GRIP1: variants seen among roughly 807,000 people sequenced by gnomAD.
The protein encoded by GRIP1 is glutamate receptor-interacting protein 1.
GRIP1 carries 45 observed loss-of-function variants against 129.9 expected under a neutral mutation model. That is an observed-to-expected ratio of 0.35 (90% confidence interval 0.27 to 0.44). The LOEUF is 0.44. Ranked by LOEUF, GRIP1 falls within the 20% of genes least tolerant of loss-of-function variation. GRIP1 has a pLI of 1.00. For synonymous variants in GRIP1, 530 were observed against 520.8 expected (o/e 1.02, Z -0.24); for missense variants, 1,196 against 1,396.8 (o/e 0.86, Z 2.29).
chr12:66,751,953 C>T (rs918168769), intron 1 of GRIP1, among the ~76,000 whole-genome samples: 2 of 152,130 alleles, frequency 1.3e-5, no homozygotes, highest in South Asian at 2.1e-4. Flanking sequence ...AAGCACAAAG[C>T]CATAATGAAT....
chr12:66,801,981 ACCCAT>A (rs2038871894), intron 1 of GRIP1, among the ~76,000 whole-genome samples: 1 of 152,134 alleles, frequency 6.6e-6, no homozygotes, highest in African/African-American at 2.4e-5. Flanking sequence ...CAACCATATT[ACCCAT>A]TTGAGAGGAC....
At chr12:66,374,276 C>T (rs1013972449) in intron 22 of GRIP1, among the ~76,000 whole-genome samples, 1 of 152,128 alleles carries the variant, frequency 6.6e-6, no homozygotes, top group African/African-American at 2.4e-5. Flanking sequence ...CAACCTCCAC[C>T]TCCCGGGTTC....
chr12:66,906,226 C>G (rs577672536), intron 1 of GRIP1, among the ~76,000 whole-genome samples: 7 of 151,744 alleles, frequency 4.6e-5, no homozygotes, highest in Non-Finnish European at 8.8e-5. Flanking sequence ...GAATTCAAGA[C>G]CAGCCTGGGC....
intron 1 of GRIP1, among the ~76,000 whole-genome samples, chr12:66,631,798 A>G (rs1322052621): frequency 3.3e-5 from 5 of 152,238 alleles, no homozygotes; most frequent in Non-Finnish European, 7.3e-5. Flanking sequence ...GGATTGTCAC[A>G]AGGTGAGTAT....
chr12:66,963,880 C>G (rs1322474645), intron 1 of GRIP1, among the ~76,000 whole-genome samples: 1 of 152,182 alleles, frequency 6.6e-6, no homozygotes, highest in African/African-American at 2.4e-5. Flanking sequence ...CCAACCCAGA[C>G]CCAAAGTCTA....
At chr12:66,846,589 T>C (rs530634211) in intron 1 of GRIP1, among the ~76,000 whole-genome samples, 1 of 152,228 alleles carries the variant, frequency 6.6e-6, no homozygotes, top group Non-Finnish European at 1.5e-5. Context: ...TAGTTCATTT[T>C]GGAGGCTATG....
chr12:66,779,749 G>A (rs991402209), intron 1 of GRIP1, among the ~76,000 whole-genome samples: 9 of 152,154 alleles, frequency 5.9e-5, no homozygotes, highest in African/African-American at 2.2e-4. Flanking sequence ...TGTTTTGGGG[G>A]GACCCAGTAA....
intron 1 of GRIP1, among the ~76,000 whole-genome samples, chr12:66,971,517 A>G (rs2042075957): frequency 6.6e-6 from 1 of 152,200 alleles, no homozygotes; most frequent in Non-Finnish European, 1.5e-5. Flanking sequence ...AGCACCTATT[A>G]TGGTGCTAAG....
intron 11 of GRIP1, among the ~76,000 whole-genome samples, chr12:66,451,449 G>C (rs947005215): frequency 8.1e-6 from 1 of 123,352 alleles, no homozygotes; most frequent in African/African-American, 3.2e-5. Flanking sequence ...TGTTGCCCAG[G>C]CTGGAGCATA....
In GRIP1 at chr12:66,462,975, C is replaced by T; in HGVS notation, c.991G>A (p.Glu331Lys). 6.2e-7 allele frequency: 1 copy of T among 1,614,036 alleles called. No individual in the cohort carries two copies. Among genetic ancestry groups the T allele is most frequent in the Non-Finnish European group, 8.5e-7 (1 of 1,180,006 alleles). ...CGGGTCTGATGATGGGGAAGGATCT[C>T]AAGCTTGACCTGGTCAGTGGTGTTG... ...LANTTDQVKL[E>K]ILPHHQTRLA... Residue 331 changes from glutamate to lysine, a missense_variant, in exon 9 of 25, where the codon GAG becomes AAG. Physicochemically the swap from Glu to Lys is moderately conservative, Grantham distance 56. This residue lies in a region of GRIP1 where 508 missense variants were observed against 587.0 expected (regional missense o/e 0.87). Transcript: ENST00000359742.
chr12:66,654,838 A>T (rs867827759), intron 1 of GRIP1, among the ~76,000 whole-genome samples: 1 of 152,216 alleles, frequency 6.6e-6, no homozygotes, highest in Non-Finnish European at 1.5e-5. Flanking sequence ...CTGGGGATAA[A>T]CAAGAGGGAA....
chr12:66,414,932 T>TATAACATGAAATAAAATAAA (rs2057536154), intron 15 of GRIP1, among the ~76,000 whole-genome samples: 1 of 121,948 alleles, frequency 8.2e-6, no homozygotes, highest in African/African-American at 3.7e-5. Flanking sequence ...TTACACCTTA[T>TATAACATGAAATAAAATAAA]ATAAAATAAA....
At chr12:66,872,069 C>G (rs1204427875) in intron 1 of GRIP1, among the ~76,000 whole-genome samples, 1 of 152,016 alleles carries the variant, frequency 6.6e-6, no homozygotes, top group Non-Finnish European at 1.5e-5. Flanking sequence ...AAATTTGCAG[C>G]CTTCTTGATT....
rs1565666281 is a variant in GRIP1, at chr12:66,363,200, C to CTATATATATATATATATATATATATAT, written c.3012+8493_3012+8494insATATATATATATATATATATATATATA. Among the ~76,000 whole-genome samples the CTATATATATATATATATATATATATAT allele has an allele frequency of 2.6e-3, 228 of 88,228 alleles. 22 individuals are homozygous for CTATATATATATATATATATATATATAT. The highest frequency in any genetic ancestry group is 3.4e-3 in the South Asian group (9 of 2,636). The allele number at this position is 88,228 out of a possible 152,430, so 57.9% of individuals were successfully genotyped here. ...ATATGTATATATGTGTGTGTGTGTC[C>CTATATATATATATATATATATATATAT]ATATATATATATATATATATATATA... On this transcript the variant is annotated intron_variant, in intron 23 of 24. Coordinates refer to ENST00000359742, the MANE Select transcript of GRIP1 (RefSeq NM_001366722.1).
chr12:66,980,789 T>G (rs2042232163), intron 1 of GRIP1, among the ~76,000 whole-genome samples: 1 of 152,196 alleles, frequency 6.6e-6, no homozygotes, highest in South Asian at 2.1e-4. Flanking sequence ...TTCACCAGCA[T>G]GCAATAGTGT....
intron 1 of GRIP1, among the ~76,000 whole-genome samples, chr12:66,696,804 CAA>C (rs35445606): frequency 0.056 from 5,568 of 99,948 alleles, 13 homozygotes; most frequent in African/African-American, 0.094. Context: ...GACTCTGTCT[CAA>C]AAAAAAAAAA....
At chr12:66,408,833 C>T (rs533912049) in intron 15 of GRIP1, among the ~76,000 whole-genome samples, 38 of 152,184 alleles carry the variant, frequency 2.5e-4, no homozygotes, top group South Asian at 4.1e-4. Context: ...TGGCAGCATT[C>T]GCCACAAGCT....
intron 14 of GRIP1, among the ~76,000 whole-genome samples, chr12:66,428,123 C>T (rs557021570): frequency 6.6e-6 from 1 of 152,114 alleles, no homozygotes; most frequent in Admixed American, 6.6e-5. Flanking sequence ...GTATGCTGGG[C>T]AAGTGGACCC....
intron 7 of GRIP1, among the ~76,000 whole-genome samples, chr12:66,481,904 C>T (rs1219812096): frequency 6.6e-6 from 1 of 150,482 alleles, no homozygotes; most frequent in African/African-American, 2.5e-5. Flanking sequence ...ACAATGAGAA[C>T]ACATGGACAC....
Sources: allele counts gnomAD v4.1 joint callset (sites outside exome capture counted in the v4.1 genomes callset), GRCh38; gene constraint gnomAD v4.1.1; regional missense constraint gnomAD v4.1.1; transcripts MANE v1.5; gene names NCBI Gene and HGNC (gene_info 2026-07-23, HGNC 2026-07-21).